Variants in GALNTL6 observed in about 807,000 individuals in gnomAD.
GALNTL6 encodes polypeptide N-acetylgalactosaminyltransferase like 6.
In GALNTL6, 46 loss-of-function variants were observed where a neutral mutation model predicts 73.7. That is an observed-to-expected ratio of 0.62 (90% CI 0.49 to 0.80). GALNTL6 has a LOEUF of 0.80. GALNTL6 is among the 30% of genes least tolerant of loss of function. The pLI, the probability that GALNTL6 is intolerant of heterozygous loss-of-function variation, is 0.00. For synonymous variants in GALNTL6, 259 were observed against 263.7 expected (o/e 0.98, Z 0.17); for missense variants, 604 against 755.0 (o/e 0.80, Z 2.34).
chr4:172,179,660 A>G (rs1735170228), intron 2 of GALNTL6, among the ~76,000 whole-genome samples: 1 of 148,182 alleles, frequency 6.7e-6, no homozygotes, highest in African/African-American at 2.6e-5. Flanking sequence ...CTTTAGTTTA[A>G]TTAGATCCCA....
chr4:171,913,654 C>CA (rs1189942900), intron 2 of GALNTL6, among the ~76,000 whole-genome samples: 4 of 152,094 alleles, frequency 2.6e-5, no homozygotes, highest in Non-Finnish European at 5.9e-5. Flanking sequence ...GAGAAAATGT[C>CA]AAATTATATC....
chr4:171,934,580 AT>A (rs1278957709), intron 2 of GALNTL6, among the ~76,000 whole-genome samples: 1 of 151,670 alleles, frequency 6.6e-6, no homozygotes, highest in African/African-American at 2.4e-5. Context: ...TGCTTGGCTA[AT>A]TTTTTTGTAT....
chr4:172,592,340 A>G (rs886186528), intron 5 of GALNTL6, among the ~76,000 whole-genome samples: 1 of 152,122 alleles, frequency 6.6e-6, no homozygotes, highest in African/African-American at 2.4e-5. Flanking sequence ...CTACCTGAGA[A>G]ATAGCACCAA....
At chr4:171,971,035 AG>A (rs1478337096) in intron 2 of GALNTL6, among the ~76,000 whole-genome samples, 3 of 152,214 alleles carry the variant, frequency 2.0e-5, no homozygotes, top group African/African-American at 7.2e-5. Flanking sequence ...CATTGAAATA[AG>A]CTCCTGCATG....
At chr4:171,918,624 C>T (rs578184268) in intron 2 of GALNTL6, among the ~76,000 whole-genome samples, 2 of 152,004 alleles carry the variant, frequency 1.3e-5, no homozygotes, top group Non-Finnish European at 2.9e-5. Flanking sequence ...ACCATATGAT[C>T]CAGCAATCTT....
intron 9 of GALNTL6, among the ~76,000 whole-genome samples, chr4:172,933,892 T>C (rs1748478292): frequency 6.6e-6 from 1 of 152,192 alleles, no homozygotes; most frequent in African/African-American, 2.4e-5. Flanking sequence ...CTCAATTAAT[T>C]CTTCAAAAAT....
chr4:172,844,261 C>T (rs1393804296), intron 7 of GALNTL6, among the ~76,000 whole-genome samples: 2 of 152,260 alleles, frequency 1.3e-5, no homozygotes, highest in South Asian at 2.1e-4. Context: ...GGCTCAACTG[C>T]GTGTTACTAC....
intron 2 of GALNTL6, among the ~76,000 whole-genome samples, chr4:171,965,784 T>C (rs1739367589): frequency 6.6e-6 from 1 of 152,150 alleles, no homozygotes. Flanking sequence ...GTATTTGCCT[T>C]ACACAAGTGA....
chr4:172,255,563 C>T (rs972684322), intron 3 of GALNTL6, among the ~76,000 whole-genome samples: 4 of 151,242 alleles, frequency 2.6e-5, no homozygotes, highest in South Asian at 4.2e-4. Flanking sequence ...TTCTTCTTTA[C>T]TTTTCTCTTT....
intron 2 of GALNTL6, among the ~76,000 whole-genome samples, chr4:172,066,328 A>G (rs1731363575): frequency 1.3e-5 from 2 of 152,252 alleles, no homozygotes; most frequent in Middle Eastern, 3.4e-3. Context: ...CCAGAATGTC[A>G]TATTTTCCAA....
At chr4:172,153,824 A>G (rs1022415992) in intron 2 of GALNTL6, among the ~76,000 whole-genome samples, 9 of 152,226 alleles carry the variant, frequency 5.9e-5, no homozygotes, top group African/African-American at 2.2e-4. Flanking sequence ...TTCATGACCT[A>G]GGAATTAAAC....
At chr4:173,004,382 C>T (rs1376049436) in intron 10 of GALNTL6, among the ~76,000 whole-genome samples, 2 of 152,198 alleles carry the variant, frequency 1.3e-5, no homozygotes, top group African/African-American at 4.8e-5. Flanking sequence ...AATCCCAGCA[C>T]TTTGAGAGGC....
At chr4:172,515,479 CTG>C in intron 5 of GALNTL6, among the ~76,000 whole-genome samples, 1 of 152,328 alleles carries the variant, frequency 6.6e-6, no homozygotes, top group East Asian at 1.9e-4. Context: ...TTAGGCTTCT[CTG>C]TGGTTATTTT....
At chr4:172,850,800 G>A (rs1209943057) in intron 7 of GALNTL6, among the ~76,000 whole-genome samples, 1 of 152,014 alleles carries the variant, frequency 6.6e-6, no homozygotes. Flanking sequence ...TAGATCTCAG[G>A]GAAAGATTTT....
At chr4:172,484,976 C>T (rs1215962480) in intron 5 of GALNTL6, among the ~76,000 whole-genome samples, 1 of 151,968 alleles carries the variant, frequency 6.6e-6, no homozygotes, top group African/African-American at 2.4e-5. Flanking sequence ...ATAGGATCTG[C>T]ATTTTTAATA....
At chr4:171,866,803 A>C (rs909776580) in intron 2 of GALNTL6, among the ~76,000 whole-genome samples, 1 of 152,096 alleles carries the variant, frequency 6.6e-6, no homozygotes, top group Non-Finnish European at 1.5e-5. Flanking sequence ...TTCTTTTTTC[A>C]TAATGGCATT....
chr4:172,939,750 A>G (rs1237037895), intron 9 of GALNTL6, among the ~76,000 whole-genome samples: 2 of 152,090 alleles, frequency 1.3e-5, no homozygotes, highest in Non-Finnish European at 2.9e-5. Context: ...TCACCCTTCA[A>G]TCCTCCTTTT....
At chr4:173,011,784 G>A (rs1395510828) in intron 11 of GALNTL6, among the ~76,000 whole-genome samples, 1 of 152,200 alleles carries the variant, frequency 6.6e-6, no homozygotes, top group Non-Finnish European at 1.5e-5. Flanking sequence ...GTTTAAGTGA[G>A]ATGTGATTTC....
chr4:172,018,904 G>A (rs1001529676), intron 2 of GALNTL6, among the ~76,000 whole-genome samples: 2 of 152,072 alleles, frequency 1.3e-5, no homozygotes, highest in Non-Finnish European at 2.9e-5. Flanking sequence ...GAATGGGAGT[G>A]CCTATAAGGC....
Sources: allele counts gnomAD v4.1 joint callset (sites outside exome capture counted in the v4.1 genomes callset), GRCh38; gene constraint gnomAD v4.1.1; transcripts MANE v1.5; gene names NCBI Gene and HGNC (gene_info 2026-07-23, HGNC 2026-07-21).